UBXN7: variants seen among roughly 807,000 people sequenced by gnomAD.
UBXN7 encodes UBX domain-containing protein 7.
UBXN7 carries 9 observed loss-of-function variants against 58.0 expected under a neutral mutation model. The observed-to-expected ratio is 0.16, with a 90% CI of 0.09 to 0.27. The LOEUF (loss-of-function observed/expected upper bound fraction) is 0.27, where lower values mean the gene tolerates loss of function less well. Ranked by LOEUF, UBXN7 falls within the 10% of genes least tolerant of loss-of-function variation. The pLI, the probability that UBXN7 is intolerant of heterozygous loss-of-function variation, is 1.00. For missense variants in UBXN7, 328 were observed against 599.6 expected (o/e 0.55, Z 4.73); for synonymous variants, 208 against 205.0 (o/e 1.01, Z -0.12).
rs1260394927 is a variant in UBXN7 at position 196,348,605 on chromosome 3, C to A, written c.*8080G>T. The A allele has an allele frequency of 6.6e-6, 1 of 152,152 alleles. No homozygotes were observed. The highest frequency in any genetic ancestry group is 1.5e-5 in the Non-Finnish European group (1 of 68,030). 9.4% of individuals were successfully genotyped at this position (152,152 alleles called of 1,614,324 possible). A position where few individuals can be genotyped will look rare whatever the true frequency, so the allele number is the denominator to read the frequency against. On this transcript the variant is annotated 3_prime_UTR_variant, in exon 11 of 11. Transcript: ENST00000296328. Reference sequence around the variant, plus strand: ...TACTGTTAGGAACTGCTTTAGAAAACACTTTAAAGCAAATACCCCAAGTTG... The same window carrying A: ...TACTGTTAGGAACTGCTTTAGAAAAAACTTTAAAGCAAATACCCCAAGTTG...
chr3:196,372,144 G>C (rs1728851503), intron 5 of UBXN7, 102 bp from the exon 6 acceptor site: 1 of 1,325,072 alleles, frequency 7.5e-7, no homozygotes. Flanking sequence ...AAAATACTAA[G>C]TTTTTGCCAG....
rs756643464 is a variant in UBXN7, at chr3:196,419,292, T to TTAAA, written c.74-11903_74-11900dup. Among the ~76,000 whole-genome samples the TTAAA allele has an allele frequency of 7.8e-3, 1,158 of 148,948 alleles. 9 individuals carry two copies. Among genetic ancestry groups the TTAAA allele is most frequent in the African/African-American group, 0.012 (460 of 39,772 alleles). ...GAGCAAGACCCTGTCTCTAAATAAA[T>TTAAA]TAAATAAATAAATAAATAAATAAAT... On this transcript the variant is annotated intron_variant, in intron 1 of 10. Coordinates refer to ENST00000296328, the MANE Select transcript of UBXN7 (RefSeq NM_015562.2).
At chr3:196,396,357 T>G (rs1050360102) in intron 3 of UBXN7, among the ~76,000 whole-genome samples, 1 of 150,828 alleles carries the variant, frequency 6.6e-6, no homozygotes, top group Non-Finnish European at 1.5e-5. Context: ...GCCAAGGAGT[T>G]CGAGTACAGT....
intron 3 of UBXN7, among the ~76,000 whole-genome samples, chr3:196,398,383 C>T (rs1192709707): frequency 1.3e-5 from 2 of 152,146 alleles, no homozygotes; most frequent in Non-Finnish European, 2.9e-5. Context: ...CAATTCATCT[C>T]GCAGTCTGAA....
intron 1 of UBXN7, among the ~76,000 whole-genome samples, chr3:196,426,415 T>C (rs1577482796): frequency 6.8e-6 from 1 of 146,922 alleles, no homozygotes; most frequent in African/African-American, 2.5e-5. Flanking sequence ...AATTCTGAAA[T>C]GTATTCCCTA....
intron 5 of UBXN7, among the ~76,000 whole-genome samples, chr3:196,380,961 TAAAC>T (rs1297342465): frequency 6.6e-6 from 1 of 152,156 alleles, no homozygotes. Flanking sequence ...CTTGAATAGG[TAAAC>T]AAAGCGGCTG....
rs113229781 is a variant in UBXN7, at chr3:196,348,992, T to TAACAAC, written c.*7687_*7692dup. The TAACAAC allele has an allele frequency of 2.0e-5, 3 of 152,048 alleles. No individual in the cohort carries two copies. The highest frequency in any genetic ancestry group is 7.3e-5 in the African/African-American group (3 of 41,354). The allele number at this position is 152,048 out of a possible 1,614,324, so 9.4% of individuals were successfully genotyped here. A position where few individuals can be genotyped will look rare whatever the true frequency, so the allele number is the denominator to read the frequency against. ...GTAACACTGGATGTTTAGAATTTGT[T>TAACAAC]AACAACAACAACAACAAAAAACCAT... On this transcript the variant is annotated 3_prime_UTR_variant, in exon 11 of 11. Transcript: ENST00000296328.
rs1481723312 is a variant in UBXN7, at chr3:196,354,363, A to G, written c.*2322T>C. ...AAGAACCACACCCTCTCACTGATGA[A>G]CACGTTGGCAGTTCTCCCAACTGTT... On this transcript the variant is annotated 3_prime_UTR_variant, in exon 11 of 11. Transcript: ENST00000296328. The G allele has an allele frequency of 6.6e-6, 1 of 152,244 alleles. No individual in the cohort carries two copies. The highest frequency in any genetic ancestry group is 1.5e-5 in the Non-Finnish European group (1 of 68,038). 9.4% of individuals were successfully genotyped at this position (152,244 alleles called of 1,614,324 possible).
intron 5 of UBXN7, among the ~76,000 whole-genome samples, chr3:196,380,804 G>A (rs1469198426): frequency 1.3e-5 from 2 of 152,226 alleles, no homozygotes; most frequent in Non-Finnish European, 2.9e-5. Context: ...CAAGGTCTTA[G>A]CAACTGGCAG....
rs1730036080 is a variant in UBXN7, at chr3:196,402,874, C to T, written c.289+78G>A. On this transcript the variant is annotated intron_variant, in intron 3 of 10. Transcript: ENST00000296328. ...ACACTTCTAACAGTCTCCTAGCAAG[C>T]CTTCACATCTTTTGATGGTTTCATT... 2.0e-6 allele frequency: 3 copies of T among 1,476,156 alleles called. No homozygotes were observed. The East Asian group carries it at 7.0e-5, about 34-fold the overall frequency. The allele number at this position is 1,476,156 out of a possible 1,614,324, so 91.4% of individuals were successfully genotyped here.
In UBXN7 at chr3:196,362,260, A is replaced by AG. The variant is rs201765313; in HGVS notation, c.1228+33dup. On this transcript the variant is annotated intron_variant, in intron 9 of 10. Coordinates refer to ENST00000296328, the MANE Select transcript of UBXN7 (RefSeq NM_015562.2). ...CCACCACGCCCGGCCCCAATATCTA[A>AG]GTTTGAAGTAAAGTATGTCTAAATG... 1.6e-3 allele frequency: 2,536 copies of AG among 1,549,554 alleles called. 35 individuals are homozygous for AG. In the African/African-American group the frequency reaches 0.031, roughly 19 times the overall value.
At chr3:196,405,474 A>G (rs957909270) in intron 2 of UBXN7, among the ~76,000 whole-genome samples, 1 of 151,772 alleles carries the variant, frequency 6.6e-6, no homozygotes, top group African/African-American at 2.4e-5. Flanking sequence ...CGTCTCAAAA[A>G]AAAAAAAAGA....
intron 6 of UBXN7, among the ~76,000 whole-genome samples, chr3:196,371,569 C>T (rs1432048936): frequency 6.6e-6 from 1 of 152,154 alleles, no homozygotes; most frequent in African/African-American, 2.4e-5. Flanking sequence ...GCAGTCTCCG[C>T]TACCCGGGTT....
At chr3:196,428,897 C>A (rs1730930767) in intron 1 of UBXN7, among the ~76,000 whole-genome samples, 1 of 150,922 alleles carries the variant, frequency 6.6e-6, no homozygotes, top group South Asian at 2.1e-4. Context: ...CTGAACCAGG[C>A]ACAGTGATGT....
intron 5 of UBXN7, 24 bp downstream of exon 5, chr3:196,391,789 G>A: frequency 1.3e-6 from 2 of 1,540,136 alleles, no homozygotes; most frequent in Non-Finnish European, 1.8e-6. Flanking sequence ...TCATAGTTAA[G>A]GCACTGACTC....
At chr3:196,421,917 G>A (rs1730699358) in intron 1 of UBXN7, among the ~76,000 whole-genome samples, 1 of 152,086 alleles carries the variant, frequency 6.6e-6, no homozygotes, top group Non-Finnish European at 1.5e-5. Flanking sequence ...AAAAAACAAT[G>A]GCCAGGCACG....
intron 1 of UBXN7, chr3:196,416,168 T>C: frequency 6.6e-6 from 1 of 152,358 alleles, no homozygotes; most frequent in Non-Finnish European, 1.5e-5. Flanking sequence ...CCGGGTGCGG[T>C]GGCTCACGCC....
At chr3:196,421,753 G>A (rs1730694991) in intron 1 of UBXN7, among the ~76,000 whole-genome samples, 1 of 151,168 alleles carries the variant, frequency 6.6e-6, no homozygotes, top group Non-Finnish European at 1.5e-5. Context: ...CTCCACCCTG[G>A]CAACAAAGCG....
At chr3:196,382,398 A>C (rs1027838546) in intron 5 of UBXN7, among the ~76,000 whole-genome samples, 2 of 152,344 alleles carry the variant, frequency 1.3e-5, no homozygotes, top group South Asian at 2.1e-4. Flanking sequence ...AAGCTTCATA[A>C]GTGAAGGAGA....
Sources: gnomAD v4.1 joint callset for allele counts (sites outside exome capture counted in the v4.1 genomes callset) on GRCh38, gnomAD v4.1.1 for gene constraint, MANE v1.5 for transcripts, NCBI Gene and HGNC (gene_info 2026-07-23, HGNC 2026-07-21) for gene names.